Variants in SEPTIN6 observed in about 807,000 individuals in gnomAD.
SEPTIN6 encodes the protein septin 6.
In SEPTIN6, 8 loss-of-function variants were observed where a neutral mutation model predicts 33.6. The ratio of observed to expected loss-of-function variants is 0.24; its 90% CI spans 0.14 to 0.43. SEPTIN6 has a LOEUF of 0.43. SEPTIN6 is among the 20% of genes least tolerant of loss of function. The pLI, the probability that SEPTIN6 is intolerant of heterozygous loss-of-function variation, is 1.00. For missense variants in SEPTIN6, 250 were observed against 340.8 expected, an observed-to-expected ratio of 0.73 and a Z score of 2.10; for synonymous variants, 131 against 140.0, an observed-to-expected ratio of 0.94 and a Z score of 0.45.
At chrX:119,616,692 A>C (rs942630509), downstream of SEPTIN6, 2 of 1,193,088 alleles carry the variant, frequency 1.7e-6, no homozygotes, top group African/African-American at 3.5e-5. Context: ...CTATAATGGC[A>C]GTCTTCTCCT....
At position 119,650,078 on chromosome X, in the gene SEPTIN6, A is replaced by G. The variant is rs1376523925; in HGVS notation, c.549T>C (p.Ile183=). 1 of 1,209,422 alleles carries G rather than the reference A, an allele frequency of 8.3e-7. No homozygotes were observed. The highest frequency in any genetic ancestry group is 1.1e-6 in the Non-Finnish European group (1 of 895,076). Residue 183 remains isoleucine, a synonymous_variant, in exon 5 of 11, where the codon ATT becomes ATC. Transcript: ENST00000394610. ...TCTTCGAAATGGCATCTGCTTTGGC[A>G]ATGATGGGGATGATGTTCACCTAGG... The part of the protein sequence containing the change: ...LDSKVNIIPI[I]AKADAISKSE...
intron 3 of SEPTIN6, 80 bp from the exon 4 acceptor site, chrX:119,653,120 G>C (rs1268845139): frequency 2.5e-6 from 2 of 794,597 alleles, no homozygotes; most frequent in Admixed American, 2.6e-5. Flanking sequence ...AGTTTCAAAT[G>C]CCCTCTGTAA....
At chrX:119,646,368 C>T (rs778861320) in intron 5 of SEPTIN6, among the ~76,000 whole-genome samples, 2 of 112,029 alleles carry the variant, frequency 1.8e-5, no homozygotes, top group Non-Finnish European at 3.8e-5. Context: ...AACCCCAGAC[C>T]TCACAAATGG....
chrX:119,666,314 C>T (rs752859001), intron 2 of SEPTIN6, among the ~76,000 whole-genome samples: 1 of 111,905 alleles, frequency 8.9e-6, no homozygotes, highest in Non-Finnish European at 1.9e-5. Flanking sequence ...CCCCGCCTTG[C>T]GACCAAAAGC....
At chrX:119,663,977 G>GTTGT (rs753946256) in intron 2 of SEPTIN6, among the ~76,000 whole-genome samples, 7 of 109,964 alleles carry the variant, frequency 6.4e-5, no homozygotes, top group Admixed American at 2.9e-4. Context: ...TTTTTTTGTT[G>GTTGT]TTGTTTGTTT....
At position 119,629,490 on chromosome X, in the gene SEPTIN6, G is replaced by T; in HGVS notation, c.1108C>A (p.Arg370Ser). The T allele has an allele frequency of 8.3e-7, 1 of 1,210,515 alleles. No individual in the cohort carries two copies. The highest frequency in any genetic ancestry group is 1.1e-6 in the Non-Finnish European group (1 of 894,853). The change falls in exon 9 of 11, where the codon CGT (arginine) becomes AGT (serine). Residue 370 changes from arginine to serine, a missense_variant. Arg to Ser is a moderately radical substitution (Grantham distance 110). Around this residue, in one of 2 missense-constraint regions of SEPTIN6, gnomAD observed 139 missense variants for 227.0 expected, o/e 0.61. Transcript: ENST00000394610. ...AEKELHEKFDRLKKLHQDEKK... is the reference protein window; with the variant it reads ...AEKELHEKFDSLKKLHQDEKK... The stretch of plus-strand genomic sequence containing the variant: ...TCGTCCTGGTGCAGTTTCTTCAGAC[G>T]GTCAAACTTCTCGTGCAGCTGGCAG...
intron 9 of SEPTIN6, chrX:119,628,991 C>T: frequency 4.9e-6 from 1 of 202,031 alleles, no homozygotes; most frequent in Non-Finnish European, 9.1e-6. Context: ...TTTTTTTCTT[C>T]CCTTCTGCTC....
chrX:119,635,090 A>G, intron 7 of SEPTIN6: 1 of 349,913 alleles, frequency 2.9e-6, no homozygotes, highest in Admixed American at 2.8e-5. Context: ...GAATGGAGGG[A>G]GCAGTAAGGG....
intron 2 of SEPTIN6, among the ~76,000 whole-genome samples, chrX:119,668,416 T>C (rs763982819): frequency 1.8e-5 from 2 of 112,345 alleles, no homozygotes; most frequent in Admixed American, 1.9e-4. Flanking sequence ...ACTGAGCTCT[T>C]TCCCCTCTCT....
chrX:119,666,978 G>A (rs1268398769), intron 2 of SEPTIN6, among the ~76,000 whole-genome samples: 1 of 111,020 alleles, frequency 9.0e-6, no homozygotes, highest in African/African-American at 3.3e-5. Flanking sequence ...AGGGCACTGA[G>A]GTTTGAGCTA....
chrX:119,676,236 G>A (rs1603349954), intron 1 of SEPTIN6, among the ~76,000 whole-genome samples: 1 of 110,410 alleles, frequency 9.1e-6, no homozygotes, highest in South Asian at 3.8e-4. Flanking sequence ...CCAAGGCGGG[G>A]GGGATCACTT....
intron 2 of SEPTIN6, 89 bp from the exon 3 acceptor site, chrX:119,663,766 C>G: frequency 1.4e-6 from 1 of 717,608 alleles, no homozygotes; most frequent in Non-Finnish European, 2.0e-6. Context: ...TTTGTTGACA[C>G]GGGAAAATGA....
At chrX:119,678,430 G>A (rs1469534842) in intron 1 of SEPTIN6, among the ~76,000 whole-genome samples, 1 of 109,820 alleles carries the variant, frequency 9.1e-6, no homozygotes, top group African/African-American at 3.3e-5. Flanking sequence ...TGAGGCAGGA[G>A]AATGGCGTGA....
intron 1 of SEPTIN6, among the ~76,000 whole-genome samples, chrX:119,682,105 C>T (rs905188814): frequency 2.4e-4 from 27 of 110,916 alleles, no homozygotes; most frequent in African/African-American, 8.9e-4. Context: ...CCATATATGC[C>T]CCAGAAGCCC....
chrX:119,642,778 C>T (rs2054177287), intron 5 of SEPTIN6, among the ~76,000 whole-genome samples: 2 of 111,441 alleles, frequency 1.8e-5, no homozygotes, highest in South Asian at 7.5e-4. Flanking sequence ...AGGAGCTCAG[C>T]TCCAGGACCT....
intron 1 of SEPTIN6, 79 bp downstream of exon 1, chrX:119,692,997 A>T: frequency 9.6e-7 from 1 of 1,045,176 alleles, no homozygotes; most frequent in Non-Finnish European, 1.3e-6. Flanking sequence ...CCTCCTCGCG[A>T]TGTGGCGGCG....
Position 119,647,483 on chromosome X carries a change from C to CTCTTTTTT in SEPTIN6, c.690+2453_690+2454insAAAAAAGA, listed in dbSNP as rs376139472. Among the ~76,000 whole-genome samples, 51 of 74,393 alleles carry CTCTTTTTT rather than the reference C, an allele frequency of 6.9e-4. 2 individuals are homozygous for CTCTTTTTT. Among genetic ancestry groups the CTCTTTTTT allele is most frequent in the Middle Eastern group, 7.5e-3 (1 of 133 alleles). 64.6% of individuals were successfully genotyped at this position (74,393 alleles called of 115,157 possible). ...TTTCTTTCCTTTCCTTTCTCTCTCT[C>CTCTTTTTT]TTTTTTTTTTTTTGTGAGACAGGGT... On this transcript the variant is annotated intron_variant, in intron 5 of 10. Transcript: ENST00000394610.
intron 5 of SEPTIN6, among the ~76,000 whole-genome samples, chrX:119,647,929 A>G (rs2054290884): frequency 1.8e-5 from 2 of 108,383 alleles, no homozygotes; most frequent in South Asian, 7.7e-4. Context: ...TTGGAATTAC[A>G]GGCGTTAGCC....
chrX:119,646,857 AC>A, intron 5 of SEPTIN6: 1 of 229,782 alleles, frequency 4.4e-6, no homozygotes, highest in South Asian at 5.1e-5. Context: ...GCAGCTTCAT[AC>A]ACCACGGCTT....
Sources: allele counts gnomAD v4.1 joint callset (sites outside exome capture counted in the v4.1 genomes callset), GRCh38; gene constraint gnomAD v4.1.1; regional missense constraint gnomAD v4.1.1; transcripts MANE v1.5; gene names NCBI Gene and HGNC (gene_info 2026-07-23, HGNC 2026-07-21).